The following TBP variants were observed in gnomAD, a reference collection of about 807,000 sequenced individuals.
The protein encoded by TBP is TATA-box binding protein.
A neutral mutation model predicts 46.2 loss-of-function variants in TBP; 12 were observed. The ratio of observed to expected loss-of-function variants is 0.26; its 90% CI spans 0.17 to 0.42. The LOEUF is 0.42. Among genes scored for constraint, TBP ranks in the 10% least tolerant of loss-of-function variants. The pLI is 1.00. For synonymous variants in TBP, 157 were observed against 148.3 expected (o/e 1.06, Z -0.42); for missense variants, 229 against 403.1 (o/e 0.57, Z 3.70).
At chr6:170,570,561 G>A (rs1465537788) in intron 6 of TBP, among the ~76,000 whole-genome samples, 1 of 152,124 alleles carries the variant, frequency 6.6e-6, no homozygotes, top group Admixed American at 6.5e-5. Flanking sequence ...GGCCTGGCCT[G>A]GTGGCTCACA....
intron 4 of TBP, 46 bp from the exon 5 acceptor site, chr6:170,566,872 A>C (rs909970410): frequency 6.4e-7 from 1 of 1,569,712 alleles, no homozygotes; most frequent in African/African-American, 1.3e-5. Context: ...AACAACATTG[A>C]GCAGTTTGGC....
chr6:170,564,097 G>A (rs1361092880), intron 3 of TBP, among the ~76,000 whole-genome samples: 1 of 152,060 alleles, frequency 6.6e-6, no homozygotes, highest in Admixed American at 6.6e-5. Context: ...GAGAGAACTG[G>A]GCAGTTCATG....
intron 6 of TBP, among the ~76,000 whole-genome samples, chr6:170,570,340 C>T (rs2115002810): frequency 6.6e-6 from 1 of 152,310 alleles, no homozygotes; most frequent in East Asian, 1.9e-4. Context: ...TAGGCCTTTG[C>T]ACTTGCCACT....
intron 3 of TBP, among the ~76,000 whole-genome samples, chr6:170,563,955 A>C (rs1237266487): frequency 6.6e-6 from 1 of 152,216 alleles, no homozygotes; most frequent in Non-Finnish European, 1.5e-5. Context: ...CTGAGAAATG[A>C]AAAGGGTCAG....
In TBP at chr6:170,568,815, C is replaced by CTTTTTTTTTTTTTTTTTTTTTTTTTTT. The variant is rs377394208; in HGVS notation, c.678-796_678-770dup. On this transcript the variant is annotated intron_variant, in intron 5 of 7. Coordinates refer to ENST00000392092, the MANE Select transcript of TBP (RefSeq NM_003194.5). ...TTCTCTTCTTTCTTTCTTTCCTTTT[C>CTTTTTTTTTTTTTTTTTTTTTTTTTTT]TTTTTTTTTTTTTTTTTTTTTTTTT... is the stretch of plus-strand genomic sequence containing the variant. Among the ~76,000 whole-genome samples, 88 of 62,602 alleles carry CTTTTTTTTTTTTTTTTTTTTTTTTTTT rather than the reference C, an allele frequency of 1.4e-3. 25 individuals carry two copies. Among genetic ancestry groups the CTTTTTTTTTTTTTTTTTTTTTTTTTTT allele is most frequent in the African/African-American group, 2.1e-3 (31 of 14,824 alleles). The allele number at this position is 62,602 out of a possible 152,430, so 41.1% of individuals were successfully genotyped here. A position where few individuals can be genotyped will look rare whatever the true frequency, so the allele number is the denominator to read the frequency against.
chr6:170,572,667 A>G lies in TBP; in HGVS notation c.*402A>G, dbSNP rs902471136. 1.1e-5 allele frequency: 2 copies of G among 174,996 alleles called. No individual in the cohort carries two copies. Among genetic ancestry groups the G allele is most frequent in the African/African-American group, 4.8e-5 (2 of 42,032 alleles). 10.8% of individuals were successfully genotyped at this position (174,996 alleles called of 1,614,324 possible). ...ACCACAGTTTTTATATTTCTACCAGAAAAGTAAAAATCTTTTTTAAAAGTG... is the reference window on the plus strand; with the variant it reads ...ACCACAGTTTTTATATTTCTACCAGGAAAGTAAAAATCTTTTTTAAAAGTG... On this transcript the variant is annotated 3_prime_UTR_variant, in exon 8 of 8. Coordinates refer to ENST00000392092, the MANE Select transcript of TBP (RefSeq NM_003194.5).
intron 1 of TBP, among the ~76,000 whole-genome samples, chr6:170,555,475 C>T (rs1402624430): frequency 6.6e-6 from 1 of 152,196 alleles, no homozygotes; most frequent in African/African-American, 2.4e-5. Context: ...GCTGCAGTGA[C>T]CTTCTATACA....
chr6:170,554,699 C>T (rs150645256), intron 1 of TBP: 641 of 152,790 alleles, frequency 4.2e-3, no homozygotes, highest in Middle Eastern at 6.7e-3. Flanking sequence ...GATTGTGGGG[C>T]TCAGGGTACT....
At chr6:170,571,844 T>C (rs1359568212) in intron 7 of TBP, among the ~76,000 whole-genome samples, 1 of 151,970 alleles carries the variant, frequency 6.6e-6, no homozygotes, top group African/African-American at 2.4e-5. Flanking sequence ...ATGAGTCTAG[T>C]TGAAGGCAGC....
In TBP at chr6:170,559,771, T is replaced by C. The variant is rs372258195; in HGVS notation, c.55-2020T>C. Among the ~76,000 whole-genome samples the C allele has an allele frequency of 2.2e-4, 34 of 152,372 alleles. No homozygotes were observed. The East Asian group carries it at 4.6e-3, about 21-fold the overall frequency. On this transcript the variant is annotated intron_variant, in intron 2 of 7. Transcript: ENST00000392092. ...ACAGCCTTCTACTGGAAGAAGATGCTATCTAGGACTTTTATAGCTAGAGAG... is the reference window on the plus strand; with the variant it reads ...ACAGCCTTCTACTGGAAGAAGATGCCATCTAGGACTTTTATAGCTAGAGAG...
rs747786221 is a variant in TBP at position 170,569,586 on chromosome 6, A to G, written c.678-26A>G. ...GTATTTTAGCTGGCTCTGAGTATGA[A>G]TAACTCACTTTTTTCCTTTCCCTAG... On this transcript the variant is annotated intron_variant, in intron 5 of 7. Transcript: ENST00000392092. 3 of 1,604,198 alleles carry G rather than the reference A, an allele frequency of 1.9e-6. No individual in the cohort carries two copies. In the South Asian group the frequency reaches 3.4e-5, roughly 18 times the overall value.
At chr6:170,562,343 G>A in intron 3 of TBP, 110 bp downstream of exon 3, 1 of 1,209,694 alleles carries the variant, frequency 8.3e-7, no homozygotes, top group Non-Finnish European at 1.1e-6. Context: ...GGCACTAACG[G>A]TAATTGTGTA....
chr6:170,566,936 A>G lies in TBP; in HGVS notation c.604A>G (p.Met202Val). The part of the protein sequence containing the change: ...YNPKRFAAVI[M>V]RIREPRTTAL... The stretch of plus-strand genomic sequence containing the variant: ...ATTGTAGCGGTTTGCTGCGGTAATC[A>G]TGAGGATAAGAGAGCCACGAACCAC... The change falls in exon 5 of 8, where the codon ATG (methionine) becomes GTG (valine). Residue 202 changes from methionine to valine, a missense_variant. Coordinates refer to ENST00000392092, the MANE Select transcript of TBP (RefSeq NM_003194.5). 6.2e-7 allele frequency: 1 copy of G among 1,613,482 alleles called. No homozygotes were observed. The highest frequency in any genetic ancestry group is 8.5e-7 in the Non-Finnish European group (1 of 1,179,590).
At chr6:170,567,530 C>T (rs1779287270) in intron 5 of TBP, 1 of 152,110 alleles carries the variant, frequency 6.6e-6, no homozygotes, top group Non-Finnish European at 1.5e-5. Context: ...AACATCAGAA[C>T]TATTAATAAA....
chr6:170,570,164 G>A (rs1779343609), intron 6 of TBP, among the ~76,000 whole-genome samples: 1 of 152,126 alleles, frequency 6.6e-6, no homozygotes, highest in African/African-American at 2.4e-5. Context: ...GTGTGAAGTT[G>A]AGCGATAGGA....
intron 2 of TBP, among the ~76,000 whole-genome samples, chr6:170,560,126 G>T (rs1188348318): frequency 6.6e-6 from 1 of 152,222 alleles, no homozygotes; most frequent in Non-Finnish European, 1.5e-5. Flanking sequence ...GATTAATATT[G>T]TTTTCATGCC....
At chr6:170,556,115 A>G (rs1243404980) in intron 1 of TBP, among the ~76,000 whole-genome samples, 1 of 152,202 alleles carries the variant, frequency 6.6e-6, no homozygotes, top group East Asian at 1.9e-4. Flanking sequence ...CAAATATCTG[A>G]GTGTCTGTTC....
intron 5 of TBP, among the ~76,000 whole-genome samples, chr6:170,569,374 G>C (rs1462082971): frequency 1.7e-4 from 26 of 152,178 alleles, no homozygotes. Context: ...AAAATCTAGG[G>C]CTACAATAAT....
Position 170,572,430 on chromosome 6 carries a change from CG to C in TBP, c.*168del. 1 of 627,198 alleles carries C rather than the reference CG, an allele frequency of 1.6e-6. No individual in the cohort carries two copies. The highest frequency in any genetic ancestry group is 2.7e-5 in the East Asian group (1 of 36,718). 38.9% of individuals were successfully genotyped at this position (627,198 alleles called of 1,614,324 possible). A position where few individuals can be genotyped will look rare whatever the true frequency, so the allele number is the denominator to read the frequency against. On this transcript the variant is annotated 3_prime_UTR_variant, in exon 8 of 8. Coordinates refer to ENST00000392092, the MANE Select transcript of TBP (RefSeq NM_003194.5). ...TCTGTAAGTGCCCACCGCGGGATGC[CG>C]GGAAGGGGCATTATTTGTGCACTGA...
Sources: gnomAD v4.1 joint callset for allele counts (sites outside exome capture counted in the v4.1 genomes callset) on GRCh38, gnomAD v4.1.1 for gene constraint, MANE v1.5 for transcripts, NCBI Gene and HGNC (gene_info 2026-07-23, HGNC 2026-07-21) for gene names.